Variants in DGKB observed in about 807,000 individuals in gnomAD.
The protein encoded by DGKB is diacylglycerol kinase beta.
A neutral mutation model predicts 114.3 loss-of-function variants in DGKB; 67 were observed. The observed-to-expected ratio is 0.59, with a 90% CI of 0.48 to 0.72. The LOEUF (loss-of-function observed/expected upper bound fraction) is 0.72, where lower values mean the gene tolerates loss of function less well. Among genes scored for constraint, DGKB ranks in the 30% least tolerant of loss-of-function variants. The probability of loss-of-function intolerance (pLI) is 0.00; values close to 1 mark genes in which losing one functional copy is unlikely to be tolerated. For synonymous variants in DGKB, 398 were observed against 323.1 expected, an observed-to-expected ratio of 1.23 and a Z score of -2.49; for missense variants, 907 against 975.2, an observed-to-expected ratio of 0.93 and a Z score of 0.93.
intron 5 of DGKB, among the ~76,000 whole-genome samples, chr7:14,719,906 G>T (rs1005942523): frequency 6.6e-6 from 1 of 152,110 alleles, no homozygotes; most frequent in African/African-American, 2.4e-5. Context: ...ACGCTGTGAG[G>T]TAGAGTGCAT....
chr7:14,834,851 C>T (rs912913452), intron 2 of DGKB, among the ~76,000 whole-genome samples: 9 of 152,096 alleles, frequency 5.9e-5, no homozygotes, highest in African/African-American at 2.2e-4. Flanking sequence ...CTGAAAAGAG[C>T]TTACCCAAAG....
chr7:14,710,222 C>A lies in DGKB; in HGVS notation c.466+8320G>T, dbSNP rs141912211. Among the ~76,000 whole-genome samples the A allele has an allele frequency of 3.4e-4, 51 of 151,982 alleles. No homozygotes were observed. The East Asian group carries it at 7.0e-3, about 21-fold the overall frequency. ...TATTTCATATTGTTCTGTATAGAGA[C>A]CTTTCAAATAGTTTTTAAAGATTTA... On this transcript the variant is annotated intron_variant, in intron 6 of 25. Transcript: ENST00000402815.
intron 13 of DGKB, among the ~76,000 whole-genome samples, chr7:14,657,001 A>T (rs1369367333): frequency 1.3e-5 from 2 of 151,774 alleles, no homozygotes; most frequent in African/African-American, 4.8e-5. Context: ...AATCTGAGAC[A>T]ATGTAACAGA....
chr7:14,487,650 T>A (rs894753061), intron 20 of DGKB, among the ~76,000 whole-genome samples: 4 of 143,658 alleles, frequency 2.8e-5, no homozygotes, highest in Non-Finnish European at 4.7e-5. Flanking sequence ...AGTGGTGACA[T>A]TGGCTGCAGT....
At chr7:14,859,668 C>G (rs1025717575) in intron 1 of DGKB, among the ~76,000 whole-genome samples, 1 of 152,088 alleles carries the variant, frequency 6.6e-6, no homozygotes, top group African/African-American at 2.4e-5. Context: ...CTATCCAACC[C>G]TCTGAAAGTA....
intron 13 of DGKB, among the ~76,000 whole-genome samples, chr7:14,657,091 A>G (rs754208558): frequency 4.0e-5 from 6 of 151,732 alleles, no homozygotes; most frequent in Non-Finnish European, 8.9e-5. Flanking sequence ...TTCTTATGCT[A>G]TGTCTCTTTA....
At chr7:14,625,463 G>C (rs1217442296) in intron 14 of DGKB, among the ~76,000 whole-genome samples, 2 of 152,032 alleles carry the variant, frequency 1.3e-5, no homozygotes, top group Admixed American at 1.3e-4. Context: ...GACCCTGACT[G>C]GCAGACCTCT....
chr7:14,783,579 G>T (rs1453190327), intron 2 of DGKB, among the ~76,000 whole-genome samples: 1 of 152,104 alleles, frequency 6.6e-6, no homozygotes, highest in Non-Finnish European at 1.5e-5. Flanking sequence ...GTTATGTATG[G>T]TCATTTCTAT....
intron 23 of DGKB, among the ~76,000 whole-genome samples, chr7:14,239,799 T>G (rs185990602): frequency 3.9e-5 from 6 of 152,152 alleles, no homozygotes; most frequent in African/African-American, 1.4e-4. Flanking sequence ...TATGTTAGCA[T>G]AGTTTTATGT....
chr7:14,531,502 T>C (rs933547735), intron 20 of DGKB, among the ~76,000 whole-genome samples: 3 of 151,406 alleles, frequency 2.0e-5, no homozygotes, highest in Non-Finnish European at 4.4e-5. Context: ...AACCAAAGAA[T>C]GGAAACTTGC....
intron 21 of DGKB, among the ~76,000 whole-genome samples, chr7:14,418,156 TTTTTATA>T (rs928197350): frequency 4.8e-5 from 7 of 145,616 alleles, no homozygotes; most frequent in Non-Finnish European, 1.1e-4. Context: ...TAAATTTATA[TTTTTATA>T]TTTTATATTT....
intron 13 of DGKB, among the ~76,000 whole-genome samples, chr7:14,658,483 T>C (rs895952701): frequency 2.0e-5 from 3 of 151,828 alleles, no homozygotes; most frequent in Non-Finnish European, 4.4e-5. Flanking sequence ...CGAGGTTAGA[T>C]AGAAGAAATA....
At position 14,916,788 on chromosome 7, in the gene DGKB, TA is replaced by T. The variant is rs1327245333; in HGVS notation, c.-188+57907del. Among the ~76,000 whole-genome samples, 48 of 152,210 alleles carry T rather than the reference TA, an allele frequency of 3.2e-4. No homozygotes were observed. The South Asian group carries it at 3.9e-3, about 12-fold the overall frequency. Reference sequence around the variant, plus strand: ...GAACTGAATATCACCATCAATCAACTATATCTAATTGACATTTATAAAAGAT... The same window carrying T: ...GAACTGAATATCACCATCAATCAACTTATCTAATTGACATTTATAAAAGAT... On this transcript the variant is annotated intron_variant, in intron 1 of 4. Coordinates refer to the DGKB transcript ENST00000437998.
chr7:14,551,466 C>T (rs547849451), intron 20 of DGKB, among the ~76,000 whole-genome samples: 5 of 152,244 alleles, frequency 3.3e-5, no homozygotes, highest in East Asian at 3.9e-4. Flanking sequence ...TGTTTCTTCT[C>T]GCAGTGCTGA....
intron 21 of DGKB, among the ~76,000 whole-genome samples, chr7:14,378,245 C>T (rs74880288): frequency 0.023 from 3,446 of 152,190 alleles, 50 homozygotes; most frequent in Non-Finnish European, 0.036. Context: ...GACCTCTTTA[C>T]GAACATTGAT....
At chr7:14,735,320 C>T (rs926052541) in intron 5 of DGKB, among the ~76,000 whole-genome samples, 2 of 152,200 alleles carry the variant, frequency 1.3e-5, no homozygotes, top group African/African-American at 4.8e-5. Context: ...TCCAAGGAAT[C>T]CTTTCCTCAG....
intron 20 of DGKB, among the ~76,000 whole-genome samples, chr7:14,544,112 A>G (rs181930366): frequency 6.6e-6 from 1 of 152,350 alleles, no homozygotes; most frequent in East Asian, 1.9e-4. Flanking sequence ...TTATAGATAT[A>G]AGACAATCAT....
chr7:14,290,398 C>T (rs1348122793), intron 23 of DGKB, among the ~76,000 whole-genome samples: 2 of 151,890 alleles, frequency 1.3e-5, no homozygotes, highest in African/African-American at 4.8e-5. Flanking sequence ...GAGAGAGATA[C>T]AATACCACTC....
intron 13 of DGKB, among the ~76,000 whole-genome samples, chr7:14,666,744 A>C (rs1262704655): frequency 6.6e-6 from 1 of 151,984 alleles, no homozygotes; most frequent in Non-Finnish European, 1.5e-5. Context: ...CAGTAAATGA[A>C]CTATAGCTAT....
Sources: allele counts gnomAD v4.1 joint callset (sites outside exome capture counted in the v4.1 genomes callset), GRCh38; gene constraint gnomAD v4.1.1; transcripts MANE v1.5; gene names NCBI Gene and HGNC (gene_info 2026-07-23, HGNC 2026-07-21).